METAP1: variants seen among roughly 807,000 people sequenced by gnomAD.
METAP1 encodes methionyl aminopeptidase 1, also known as methionine aminopeptidase 1.
A neutral mutation model predicts 53.8 loss-of-function variants in METAP1; 28 were observed. The observed-to-expected ratio is 0.52, with a 90% CI of 0.39 to 0.71. The LOEUF (loss-of-function observed/expected upper bound fraction) is 0.71. Ranked by LOEUF, METAP1 falls within the 30% of genes least tolerant of loss-of-function variation. The pLI is 0.00. For synonymous variants in METAP1, 181 were observed against 165.7 expected (o/e 1.09, Z -0.71); for missense variants, 389 against 479.8 (o/e 0.81, Z 1.77).
intron 1 of METAP1, among the ~76,000 whole-genome samples, chr4:99,000,597 A>C (rs1392718708): frequency 6.6e-6 from 1 of 152,068 alleles, no homozygotes; most frequent in African/African-American, 2.4e-5. Flanking sequence ...CAAATCCAAT[A>C]ATAGGTTCTT....
intron 1 of METAP1, among the ~76,000 whole-genome samples, chr4:99,004,032 G>T (rs1484744501): frequency 6.6e-6 from 1 of 152,150 alleles, no homozygotes; most frequent in Non-Finnish European, 1.5e-5. Context: ...TGGTTAATTT[G>T]CTAGAGCAGC....
At chr4:99,017,386 G>A (rs746518165) in intron 1 of METAP1, among the ~76,000 whole-genome samples, 2 of 152,230 alleles carry the variant, frequency 1.3e-5, no homozygotes. Flanking sequence ...TAGTTATCAG[G>A]TAATTGCCCC....
At chr4:99,024,119 C>T (rs950239231) in intron 1 of METAP1, among the ~76,000 whole-genome samples, 1 of 152,250 alleles carries the variant, frequency 6.6e-6, no homozygotes, top group African/African-American at 2.4e-5. Context: ...ATGTTATCTA[C>T]AGATTCCAGA....
intron 5 of METAP1, among the ~76,000 whole-genome samples, chr4:99,039,874 G>T (rs988997380): frequency 8.6e-5 from 13 of 151,916 alleles, no homozygotes; most frequent in Non-Finnish European, 1.8e-4. Context: ...TTACAGGCGT[G>T]AGCCACCACA....
chr4:99,060,157 A>C (rs542508339), intron 10 of METAP1, among the ~76,000 whole-genome samples: 1 of 152,218 alleles, frequency 6.6e-6, no homozygotes, highest in Non-Finnish European at 1.5e-5. Flanking sequence ...AATATTATTA[A>C]ATACATTCAT....
chr4:99,027,544 A>ACCC (rs35716602), intron 1 of METAP1, among the ~76,000 whole-genome samples: 14 of 136,960 alleles, frequency 1.0e-4, no homozygotes, highest in South Asian at 4.8e-4. Flanking sequence ...ACAAGAGGTC[A>ACCC]CCCCCCCCCC....
chr4:99,052,773 C>T (rs1375969187), intron 9 of METAP1, among the ~76,000 whole-genome samples: 1 of 152,226 alleles, frequency 6.6e-6, no homozygotes, highest in African/African-American at 2.4e-5. Flanking sequence ...CATTGATTGA[C>T]TCTTCCTTTC....
At chr4:98,996,592 C>A (rs1329684627) in intron 1 of METAP1, among the ~76,000 whole-genome samples, 1 of 152,196 alleles carries the variant, frequency 6.6e-6, no homozygotes, top group Non-Finnish European at 1.5e-5. Flanking sequence ...GACTGAATTT[C>A]CCAGAGTGAA....
intron 8 of METAP1, 83 bp downstream of exon 8, chr4:99,045,393 C>A: frequency 1.6e-5 from 24 of 1,469,022 alleles, no homozygotes; most frequent in Non-Finnish European, 2.2e-5. Flanking sequence ...TCTGTGCATT[C>A]CTTGTACCTT....
At chr4:99,018,752 G>A (rs530556107) in intron 1 of METAP1, among the ~76,000 whole-genome samples, 7 of 152,142 alleles carry the variant, frequency 4.6e-5, no homozygotes, top group Non-Finnish European at 8.8e-5. Context: ...TAGGATAAGG[G>A]TATTATACGG....
At chr4:99,005,847 T>G (rs998833151) in intron 1 of METAP1, 1 of 406,200 alleles carries the variant, frequency 2.5e-6, no homozygotes, top group Admixed American at 3.0e-5. Flanking sequence ...GTCGTCTCGC[T>G]TACAAGTAGG....
chr4:99,060,360 C>CTTTTTTTTTTTTTTT (rs35135230), intron 10 of METAP1, among the ~76,000 whole-genome samples: 1 of 103,648 alleles, frequency 9.6e-6, no homozygotes, highest in Non-Finnish European at 1.9e-5. Context: ...TAAGCACATG[C>CTTTTTTTTTTTTTTT]TTTTTTTTTT....
chr4:99,004,150 G>A (rs1723052243), intron 1 of METAP1, among the ~76,000 whole-genome samples: 1 of 152,152 alleles, frequency 6.6e-6, no homozygotes, highest in Admixed American at 6.5e-5. Context: ...GGGATGCCAA[G>A]CTTCCATGAG....
intron 6 of METAP1, 105 bp downstream of exon 6, chr4:99,041,231 G>A: frequency 1.5e-6 from 1 of 688,032 alleles, no homozygotes; most frequent in Non-Finnish European, 2.2e-6. Context: ...GGTAACTTGG[G>A]TAAACTCATT....
intron 1 of METAP1, chr4:99,023,361 ATT>A: frequency 2.4e-6 from 2 of 844,846 alleles, no homozygotes; most frequent in Non-Finnish European, 1.4e-6. Flanking sequence ...GGGTCAAAGT[ATT>A]TTTTTTTGTC....
chr4:99,027,760 T>C (rs1421928122), intron 1 of METAP1, among the ~76,000 whole-genome samples: 1 of 152,288 alleles, frequency 6.6e-6, no homozygotes, highest in Non-Finnish European at 1.5e-5. Context: ...GTTTAGGTTG[T>C]AGGTTGTAGA....
intron 1 of METAP1, chr4:99,026,888 T>C: frequency 1.0e-6 from 1 of 982,030 alleles, no homozygotes; most frequent in Non-Finnish European, 1.2e-6. Flanking sequence ...TTATTATGAA[T>C]ATTTTGGTTA....
chr4:99,059,614 G>A (rs1429574331), intron 10 of METAP1, among the ~76,000 whole-genome samples: 1 of 152,058 alleles, frequency 6.6e-6, no homozygotes, highest in Non-Finnish European at 1.5e-5. Context: ...AATTTTGAAA[G>A]AAGAAAGCTC....
rs748445323 is a variant in METAP1, at chr4:99,061,353, C to G, written c.*36C>G. 13 of 1,554,888 alleles carry G rather than the reference C, an allele frequency of 8.4e-6. No individual in the cohort carries two copies. In the South Asian group the frequency reaches 1.5e-4, roughly 18 times the overall value. ...GATGGCACATCTCAGTACCTTCTTA[C>G]TGTGCTATGCATTTTATTGAGAGTA... is the stretch of plus-strand genomic sequence containing the variant. On this transcript the variant is annotated 3_prime_UTR_variant, in exon 11 of 11. Coordinates refer to ENST00000296411, the MANE Select transcript of METAP1 (RefSeq NM_015143.3).
Sources: gnomAD v4.1 joint callset for allele counts (sites outside exome capture counted in the v4.1 genomes callset) on GRCh38, gnomAD v4.1.1 for gene constraint, MANE v1.5 for transcripts, NCBI Gene and HGNC (gene_info 2026-07-23, HGNC 2026-07-21) for gene names.